USP24: variants seen among roughly 807,000 people sequenced by gnomAD.
USP24 encodes the protein ubiquitin specific peptidase 24, also known as ubiquitin carboxyl-terminal hydrolase 24.
A neutral mutation model predicts 361.6 loss-of-function variants in USP24; 97 were observed. That is an observed-to-expected ratio of 0.27 (90% CI 0.23 to 0.32). The LOEUF (loss-of-function observed/expected upper bound fraction) is 0.32. Ranked by LOEUF, USP24 falls within the 10% of genes least tolerant of loss-of-function variation. USP24 has a pLI of 1.00. For synonymous variants in USP24, 1,098 were observed against 1,124.6 expected (o/e 0.98, Z 0.47); for missense variants, 2,353 against 3,165.6 (o/e 0.74, Z 6.16).
In USP24 at chr1:55,095,335, C is replaced by T. The variant is rs1399596621; in HGVS notation, c.6123G>A (p.Arg2041=). The T allele has an allele frequency of 1.9e-6, 3 of 1,613,466 alleles. No homozygotes were observed. The South Asian group carries it at 3.3e-5, about 18-fold the overall frequency. The change falls in exon 51 of 68, where the codon AGG becomes AGA. Residue 2041 remains arginine (R), a synonymous_variant. Transcript: ENST00000294383. ...ATACTGGGGAGTTCTGATCAGACAC[C>T]CTTTGGTAGAAAAGCATATAGGCAT... The part of the protein sequence containing the change: ...YWNAYMLFYQ[R]VSDQNSPVLP...
chr1:55,175,537 T>C lies in USP24; in HGVS notation c.558+839A>G, dbSNP rs571124040. On this transcript the variant is annotated intron_variant, in intron 3 of 67. Transcript: ENST00000294383. ...AATTGCACCCGGCCTTAACTGGGTC[T>C]TAAGATAAACGCAAACATTACCCAT... Among the ~76,000 whole-genome samples, 8 of 152,262 alleles carry C rather than the reference T, an allele frequency of 5.3e-5. No individual in the cohort carries two copies. In the South Asian group the frequency reaches 1.7e-3, roughly 32 times the overall value.
intron 63 of USP24, 76 bp from the exon 64 acceptor site, chr1:55,073,982 T>C (rs1249301986): frequency 8.0e-7 from 1 of 1,244,764 alleles, no homozygotes; most frequent in East Asian, 2.6e-5. Flanking sequence ...CAAGCTCTCT[T>C]GTTCTAAAAA....
intron 59 of USP24, among the ~76,000 whole-genome samples, chr1:55,081,071 A>G (rs534314586): frequency 1.3e-5 from 2 of 152,272 alleles, no homozygotes; most frequent in South Asian, 2.1e-4. Flanking sequence ...TTTTAATCCT[A>G]AAGAGTTGTT....
chr1:55,077,664 AAGGAT>A (rs1236218462), intron 61 of USP24, among the ~76,000 whole-genome samples: 3 of 152,234 alleles, frequency 2.0e-5, no homozygotes, highest in African/African-American at 7.2e-5. Context: ...ACTCTGAGTT[AAGGAT>A]GCTATGAACA....
At chr1:55,169,362 T>G (rs976310068) in intron 5 of USP24, among the ~76,000 whole-genome samples, 14 of 151,320 alleles carry the variant, frequency 9.3e-5, no homozygotes, top group Non-Finnish European at 1.3e-4. Flanking sequence ...ATGTATCCAA[T>G]CAAGTTTCAG....
chr1:55,131,293 C>G (rs1457537308), intron 31 of USP24, among the ~76,000 whole-genome samples: 1 of 152,082 alleles, frequency 6.6e-6, no homozygotes, highest in Non-Finnish European at 1.5e-5. Context: ...TTTGAATAAG[C>G]CTCCTCAGTA....
In USP24 at chr1:55,126,633, T is replaced by C. The variant is rs576748497; in HGVS notation, c.3636-875A>G. Among the ~76,000 whole-genome samples, 4 of 152,370 alleles carry C rather than the reference T, an allele frequency of 2.6e-5. No individual in the cohort carries two copies. The South Asian group carries it at 8.3e-4, about 32-fold the overall frequency. On this transcript the variant is annotated intron_variant, in intron 32 of 67. Coordinates refer to ENST00000294383, the MANE Select transcript of USP24 (RefSeq NM_015306.3). ...TTATTTTGACAGCCCTGTAAATGGC[T>C]GAGTGATGTGAAAGGAGTTTGTACT...
At chr1:55,182,201 G>A (rs1294014358) in intron 1 of USP24, among the ~76,000 whole-genome samples, 10 of 152,128 alleles carry the variant, frequency 6.6e-5, no homozygotes, top group Admixed American at 4.6e-4. Flanking sequence ...ATAGGCATGT[G>A]CCACCACGCC....
At chr1:55,165,662 C>T (rs943052292) in intron 7 of USP24, among the ~76,000 whole-genome samples, 2 of 151,814 alleles carry the variant, frequency 1.3e-5, no homozygotes, top group Non-Finnish European at 2.9e-5. Flanking sequence ...GAGAAAAATG[C>T]CACAGGTAAA....
chr1:55,083,444 GT>G, intron 57 of USP24, 80 bp from the exon 58 acceptor site: 1 of 1,259,094 alleles, frequency 7.9e-7, no homozygotes, highest in Non-Finnish European at 1.1e-6. Flanking sequence ...TAAATGGAAA[GT>G]TTTAAGGAGT....
At chr1:55,146,746 TCATAC>T (rs1647039449) in intron 19 of USP24, among the ~76,000 whole-genome samples, 178 bp downstream of exon 19, 1 of 152,194 alleles carries the variant, frequency 6.6e-6, no homozygotes, top group African/African-American at 2.4e-5. Flanking sequence ...ACCAAAGAAC[TCATAC>T]ATTTATTTTT....
At chr1:55,097,496 C>T (rs1018547881) in intron 48 of USP24, 102 bp downstream of exon 48, 8 of 1,455,790 alleles carry the variant, frequency 5.5e-6, no homozygotes, top group Non-Finnish European at 6.4e-6. Context: ...GAGACAACAG[C>T]CTTAACATGG....
chr1:55,082,154 T>A (rs757655901), intron 58 of USP24, among the ~76,000 whole-genome samples: 6 of 152,218 alleles, frequency 3.9e-5, no homozygotes, highest in Non-Finnish European at 5.9e-5. Context: ...GCCTGTGTAA[T>A]GTGTTTACAC....
chr1:55,120,837 T>C, intron 37 of USP24, 81 bp from the exon 38 acceptor site: 1 of 1,422,800 alleles, frequency 7.0e-7, no homozygotes, highest in South Asian at 1.5e-5. Context: ...TCTTCCAAAG[T>C]CCAGCCTATT....
At chr1:55,160,576 A>T (rs898937527) in intron 8 of USP24, among the ~76,000 whole-genome samples, 25 of 152,210 alleles carry the variant, frequency 1.6e-4, no homozygotes, top group African/African-American at 5.8e-4. Flanking sequence ...TGTAAGTAAC[A>T]TGTATTATAT....
At chr1:55,199,482 T>C (rs752206336) in intron 1 of USP24, among the ~76,000 whole-genome samples, 1 of 152,256 alleles carries the variant, frequency 6.6e-6, no homozygotes, top group South Asian at 2.1e-4. Flanking sequence ...AGGATAATGG[T>C]ACTGCAGTTC....
rs758487247 is a variant in USP24 at position 55,107,389 on chromosome 1, G to A, written c.4612C>T (p.Leu1538Phe). ...EQLRISPATM[L>F]EDEITWLDNF... ...TCCAGCCAAGTAATCTCATCTTCAA[G>A]CATCGTAGCTGGGCTGATCCTTAAC... is the stretch of plus-strand genomic sequence containing the variant. The change falls in exon 40 of 68, where the codon CTT (leucine) becomes TTT (phenylalanine). Residue 1538 changes from leucine to phenylalanine, a missense_variant. By Grantham distance (22) the Leu-to-Phe change is conservative. This residue lies in a region of USP24 where 949 missense variants were observed against 1,280.5 expected (regional missense o/e 0.74). Transcript: ENST00000294383. 6.2e-7 allele frequency: 1 copy of A among 1,613,318 alleles called. No individual in the cohort carries two copies. The highest frequency in any genetic ancestry group is 2.2e-5 in the East Asian group (1 of 44,858).
intron 66 of USP24, 76 bp downstream of exon 66, chr1:55,072,241 T>G: frequency 8.3e-7 from 1 of 1,200,262 alleles, no homozygotes; most frequent in Admixed American, 2.1e-5. Context: ...TTCTCAGAGG[T>G]TGCAGTTTCT....
chr1:55,152,815 A>G (rs927526225), intron 16 of USP24, among the ~76,000 whole-genome samples: 1 of 152,178 alleles, frequency 6.6e-6, no homozygotes, highest in African/African-American at 2.4e-5. Flanking sequence ...CAGAAATATA[A>G]AACACAAAGT....
Sources: gnomAD v4.1 joint callset for allele counts (sites outside exome capture counted in the v4.1 genomes callset) on GRCh38, gnomAD v4.1.1 for gene constraint, gnomAD v4.1.1 regional missense constraint, MANE v1.5 for transcripts, NCBI Gene and HGNC (gene_info 2026-07-23, HGNC 2026-07-21) for gene names.